Variants in KIZ observed in about 807,000 individuals in gnomAD.
The protein encoded by KIZ is centrosomal protein kizuna.
KIZ carries 68 observed loss-of-function variants against 79.6 expected under a neutral mutation model. That is an observed-to-expected ratio of 0.85 (90% CI 0.70 to 1.05). The LOEUF (loss-of-function observed/expected upper bound fraction) is 1.05, where lower values mean the gene tolerates loss of function less well. KIZ is among the 50% of genes least tolerant of loss of function. KIZ has a pLI of 0.00. For missense variants in KIZ, 797 were observed against 800.4 expected (o/e 1.00, Z 0.05); for synonymous variants, 280 against 281.8 (o/e 0.99, Z 0.06).
At chr20:21,151,372 T>A (rs2033106963) in intron 4 of KIZ, 1 of 152,158 alleles carries the variant, frequency 6.6e-6, no homozygotes, top group African/African-American at 2.4e-5. Flanking sequence ...CTTCCTTTGC[T>A]CTTCTCTGTG....
intron 3 of KIZ, among the ~76,000 whole-genome samples, chr20:21,141,141 G>C (rs1222335165): frequency 6.6e-6 from 1 of 152,126 alleles, no homozygotes; most frequent in African/African-American, 2.4e-5. Context: ...CTTTTGTAGA[G>C]GGGGCCCCAG....
chr20:21,145,268 T>TAC (rs1203920343), intron 3 of KIZ, among the ~76,000 whole-genome samples: 1 of 151,916 alleles, frequency 6.6e-6, no homozygotes, highest in African/African-American at 2.4e-5. Flanking sequence ...TCAAACTGTA[T>TAC]ACATATATAT....
rs1379466017 is a variant in KIZ at position 21,229,025 on chromosome 20, C to G, written c.1693C>G (p.Gln565Glu). The G allele has an allele frequency of 1.3e-6, 2 of 1,599,486 alleles. No individual in the cohort carries two copies. Among genetic ancestry groups the G allele is most frequent in the African/African-American group, 2.7e-5 (2 of 74,620 alleles). ...TTAATCAACAGAAACAGAAGCCTAT[C>G]AGTTGCTGAAGAAGGCCACCCTTCA... ...DIPITETEAY[Q>E]LLKKATLQDN... Residue 565 changes from glutamine (Q) to glutamate (E), a missense_variant, in exon 10 of 13, where the codon CAG (glutamine) becomes GAG (glutamate). Coordinates refer to ENST00000619189, the MANE Select transcript of KIZ (RefSeq NM_018474.6).
intron 3 of KIZ, among the ~76,000 whole-genome samples, chr20:21,144,530 A>G (rs371438616): frequency 6.4e-4 from 98 of 152,204 alleles, no homozygotes; most frequent in African/African-American, 2.4e-3. Flanking sequence ...TAAAATTTTC[A>G]TTTAATTGGG....
intron 6 of KIZ, among the ~76,000 whole-genome samples, chr20:21,169,074 T>C (rs2034086005): frequency 6.6e-6 from 1 of 152,074 alleles, no homozygotes; most frequent in Non-Finnish European, 1.5e-5. Flanking sequence ...AAAGCCAAAA[T>C]TGACAAATGG....
At chr20:21,166,989 A>G (rs1049957785) in intron 6 of KIZ, among the ~76,000 whole-genome samples, 18 of 152,224 alleles carry the variant, frequency 1.2e-4, no homozygotes, top group Admixed American at 3.3e-4. Context: ...AGGAAATGGC[A>G]TGCAGCCTCT....
chr20:21,156,830 C>T (rs2033408684), intron 4 of KIZ, among the ~76,000 whole-genome samples: 1 of 152,068 alleles, frequency 6.6e-6, no homozygotes, highest in South Asian at 2.1e-4. Context: ...TACACACATA[C>T]AGAGACAAAC....
chr20:21,157,384 A>G (rs2033435851), intron 4 of KIZ, among the ~76,000 whole-genome samples: 1 of 152,180 alleles, frequency 6.6e-6, no homozygotes, highest in Non-Finnish European at 1.5e-5. Flanking sequence ...TTGAGGACCC[A>G]GAGTTCAGTA....
intron 3 of KIZ, among the ~76,000 whole-genome samples, chr20:21,138,647 T>C (rs947523777): frequency 6.6e-6 from 1 of 152,198 alleles, no homozygotes; most frequent in African/African-American, 2.4e-5. Context: ...TTGGTTAAGA[T>C]GATGATCTCT....
chr20:21,126,135 C>G lies in KIZ; in HGVS notation c.20C>G (p.Ser7Trp). The change falls in exon 1 of 13, where the codon TCG becomes TGG. Residue 7 changes from serine to tryptophan, a missense_variant. Physicochemically the swap from Ser to Trp is radical, Grantham distance 177. Transcript: ENST00000619189. Reference sequence around the variant, plus strand: ...AGCAGCATGAGCCGGACCCTCGCATCGGCCGTGCCCCTGTCGAGTCCCGAC... The same window carrying G: ...AGCAGCATGAGCCGGACCCTCGCATGGGCCGTGCCCCTGTCGAGTCCCGAC... MSRTLA[S>W]AVPLSSPDYY... The G allele has an allele frequency of 6.6e-7, 1 of 1,513,558 alleles. No individual in the cohort carries two copies. The highest frequency in any genetic ancestry group is 1.2e-5 in the South Asian group (1 of 80,944). The allele number at this position is 1,513,558 out of a possible 1,614,324, so 93.8% of individuals were successfully genotyped here. A position where few individuals can be genotyped will look rare whatever the true frequency, so the allele number is the denominator to read the frequency against.
chr20:21,178,634 A>T (rs2034529489), intron 6 of KIZ, among the ~76,000 whole-genome samples: 1 of 152,184 alleles, frequency 6.6e-6, no homozygotes. Flanking sequence ...AAGAGTGGGC[A>T]TCCTTGTCTT....
intron 6 of KIZ, among the ~76,000 whole-genome samples, chr20:21,183,452 C>T (rs1034286103): frequency 6.6e-5 from 10 of 152,070 alleles, no homozygotes; most frequent in African/African-American, 1.9e-4. Flanking sequence ...AACCATGGAC[C>T]GCAGCTCTGT....
chr20:21,127,255 T>C (rs950790886), intron 1 of KIZ, among the ~76,000 whole-genome samples: 5 of 152,224 alleles, frequency 3.3e-5, no homozygotes, highest in Admixed American at 6.5e-5. Context: ...TTCTGACATG[T>C]CACCGCTCAC....
At chr20:21,167,480 G>C (rs1054752361) in intron 6 of KIZ, among the ~76,000 whole-genome samples, 1 of 152,092 alleles carries the variant, frequency 6.6e-6, no homozygotes, top group South Asian at 2.1e-4. Context: ...TAGACTGCTA[G>C]GGACTCTAAA....
At chr20:21,159,018 ATT>A (rs60303309) in intron 4 of KIZ, among the ~76,000 whole-genome samples, 6 of 147,772 alleles carry the variant, frequency 4.1e-5, no homozygotes, top group Non-Finnish European at 7.4e-5. Context: ...TATTATTATT[ATT>A]TTTTTTTATG....
intron 4 of KIZ, among the ~76,000 whole-genome samples, chr20:21,153,751 C>A (rs1247113355): frequency 6.6e-6 from 1 of 152,068 alleles, no homozygotes; most frequent in Non-Finnish European, 1.5e-5. Flanking sequence ...ATAGAAGGGG[C>A]CTTCTCACTG....
At chr20:21,236,549 G>A (rs1395053929) in intron 11 of KIZ, among the ~76,000 whole-genome samples, 1 of 152,248 alleles carries the variant, frequency 6.6e-6, no homozygotes, top group South Asian at 2.1e-4. Context: ...CTGCTGCCGG[G>A]AGCCATTCCT....
intron 7 of KIZ, chr20:21,214,156 A>T (rs2036187811): frequency 6.3e-6 from 1 of 158,532 alleles, no homozygotes. Flanking sequence ...GTAATCAAAG[A>T]ATAAATTTTT....
chr20:21,225,457 A>C (rs1332190181), intron 9 of KIZ, among the ~76,000 whole-genome samples: 1 of 152,222 alleles, frequency 6.6e-6, no homozygotes, highest in African/African-American at 2.4e-5. Context: ...CTAGAAAGTG[A>C]AACCTTTAAA....
Sources: gnomAD v4.1 joint callset for allele counts (sites outside exome capture counted in the v4.1 genomes callset) on GRCh38, gnomAD v4.1.1 for gene constraint, MANE v1.5 for transcripts, NCBI Gene and HGNC (gene_info 2026-07-23, HGNC 2026-07-21) for gene names.